The following HSPA12A variants were observed in gnomAD, a reference collection of about 807,000 sequenced individuals.
The protein encoded by HSPA12A is heat shock protein family A (Hsp70) member 12A.
HSPA12A carries 28 observed loss-of-function variants against 69.2 expected under a neutral mutation model. That is an observed-to-expected ratio of 0.40 (90% confidence interval 0.30 to 0.55). The LOEUF is 0.55. Ranked by LOEUF, HSPA12A falls within the 20% of genes least tolerant of loss-of-function variation. The probability of loss-of-function intolerance (pLI) is 0.38; values close to 1 mark genes in which losing one functional copy is unlikely to be tolerated. For synonymous variants in HSPA12A, 345 were observed against 370.5 expected (o/e 0.93, Z 0.79); for missense variants, 686 against 900.7 (o/e 0.76, Z 3.05).
At chr10:116,788,911 G>C (rs1844639215) in intron 2 of HSPA12A, among the ~76,000 whole-genome samples, 1 of 149,868 alleles carries the variant, frequency 6.7e-6, no homozygotes, top group African/African-American at 2.5e-5. Flanking sequence ...TGTCACCCAG[G>C]CTGGAGTGCA....
chr10:116,797,479 T>C lies in HSPA12A; in HGVS notation c.91+37456A>G, dbSNP rs187149050. The stretch of plus-strand genomic sequence containing the variant: ...GGCTGTTCGTGTGGATGTGTGTGCA[T>C]GTGTGTATATGCATATGTGTTTGAG... On this transcript the variant is annotated intron_variant, in intron 2 of 12. Coordinates refer to the HSPA12A transcript ENST00000635765. Among the ~76,000 whole-genome samples the C allele has an allele frequency of 1.6e-3, 240 of 152,308 alleles. 3 individuals carry two copies. The highest frequency in any genetic ancestry group is 5.4e-3 in the African/African-American group (223 of 41,570).
intron 2 of HSPA12A, among the ~76,000 whole-genome samples, chr10:116,809,342 C>A (rs899767493): frequency 1.3e-5 from 2 of 152,184 alleles, no homozygotes; most frequent in African/African-American, 4.8e-5. Flanking sequence ...CACCCTGAAC[C>A]CTCATGAAGG....
intron 2 of HSPA12A, among the ~76,000 whole-genome samples, chr10:116,774,430 T>C (rs1183699023): frequency 1.3e-5 from 2 of 152,226 alleles, no homozygotes; most frequent in Non-Finnish European, 2.9e-5. Context: ...TTAACAACTC[T>C]TGGGCACTTA....
At chr10:116,683,400 C>G (rs3010460) in intron 7 of HSPA12A, 59,103 of 156,930 alleles carry the variant, frequency 0.38, 12,183 homozygotes, top group African/African-American at 0.55. Context: ...CAATGAGTGA[C>G]TCAGCAATAA....
chr10:116,701,262 T>G, intron 3 of HSPA12A, 133 bp from the exon 4 acceptor site: 1 of 770,370 alleles, frequency 1.3e-6, no homozygotes, highest in Non-Finnish European at 2.1e-6. Context: ...TTCAGCTGGA[T>G]GAGCAGCTAC....
At chr10:116,717,333 C>T (rs952284012) in intron 1 of HSPA12A, among the ~76,000 whole-genome samples, 10 of 152,186 alleles carry the variant, frequency 6.6e-5, no homozygotes, top group South Asian at 2.1e-4. Context: ...ATTTCACAGA[C>T]GAGCAAATAG....
intron 2 of HSPA12A, among the ~76,000 whole-genome samples, chr10:116,822,913 C>T (rs932043091): frequency 1.3e-5 from 2 of 152,068 alleles, no homozygotes; most frequent in Non-Finnish European, 2.9e-5. Flanking sequence ...AGCTACTTGC[C>T]CAGGTACAGA....
intron 7 of HSPA12A, among the ~76,000 whole-genome samples, chr10:116,682,246 A>G (rs369746033): frequency 2.0e-5 from 3 of 152,222 alleles, no homozygotes; most frequent in Admixed American, 1.3e-4. Flanking sequence ...TGACAGAGCG[A>G]GACTCTCAAA....
At chr10:116,699,150 G>A (rs1252345214) in intron 4 of HSPA12A, among the ~76,000 whole-genome samples, 3 of 152,100 alleles carry the variant, frequency 2.0e-5, no homozygotes, top group Non-Finnish European at 4.4e-5. Context: ...AGGCCTAATC[G>A]TACCAACCCA....
chr10:116,806,048 T>G (rs1009412617), intron 2 of HSPA12A, among the ~76,000 whole-genome samples: 7 of 152,170 alleles, frequency 4.6e-5, no homozygotes, highest in Non-Finnish European at 7.4e-5. Flanking sequence ...AAGGCAGAGA[T>G]GAAAACCCAG....
intron 2 of HSPA12A, among the ~76,000 whole-genome samples, chr10:116,768,616 T>C (rs1400779462): frequency 6.6e-6 from 1 of 152,114 alleles, no homozygotes; most frequent in Non-Finnish European, 1.5e-5. Flanking sequence ...TGGGCTCAAG[T>C]GAACCTCCTG....
chr10:116,770,523 C>T (rs1162218854), intron 2 of HSPA12A, among the ~76,000 whole-genome samples: 1 of 152,140 alleles, frequency 6.6e-6, no homozygotes, highest in Admixed American at 6.5e-5. Context: ...TAGCTCAAAG[C>T]CAGGTGGCAC....
At chr10:116,770,072 C>A (rs1195096491) in intron 2 of HSPA12A, among the ~76,000 whole-genome samples, 2 of 152,174 alleles carry the variant, frequency 1.3e-5, no homozygotes, top group African/African-American at 4.8e-5. Flanking sequence ...GTCCTTGGGG[C>A]AGGGTGCTGA....
Position 116,673,385 on chromosome 10 carries a change from T to G in HSPA12A, c.*1396A>C, listed in dbSNP as rs1849139980. 2 of 152,258 alleles carry G rather than the reference T, an allele frequency of 1.3e-5. No individual in the cohort carries two copies. The highest frequency in any genetic ancestry group is 1.3e-4 in the Admixed American group (2 of 15,290). The allele number at this position is 152,258 out of a possible 1,614,324, so 9.4% of individuals were successfully genotyped here. Reference sequence around the variant, plus strand: ...TCCCATTGACCAAGAGGGCAAGGTATGGGGTCACCTTCTCATGGAAGCCCT... The same window carrying G: ...TCCCATTGACCAAGAGGGCAAGGTAGGGGGTCACCTTCTCATGGAAGCCCT... On this transcript the variant is annotated 3_prime_UTR_variant, in exon 12 of 12. Coordinates refer to ENST00000369209, the MANE Select transcript of HSPA12A (RefSeq NM_025015.3).
intron 2 of HSPA12A, among the ~76,000 whole-genome samples, chr10:116,813,056 T>G (rs1237417452): frequency 6.6e-6 from 1 of 151,972 alleles, no homozygotes; most frequent in Non-Finnish European, 1.5e-5. Context: ...GCCACGGTGA[T>G]GAGGATTAAA....
At chr10:116,731,049 C>T (rs782613196) in intron 1 of HSPA12A, among the ~76,000 whole-genome samples, 11 of 152,202 alleles carry the variant, frequency 7.2e-5, no homozygotes, top group Non-Finnish European at 1.3e-4. Context: ...CAGGGTCCTG[C>T]TGCATGGGCC....
At chr10:116,730,749 A>C (rs1190567782) in intron 1 of HSPA12A, among the ~76,000 whole-genome samples, 1 of 152,266 alleles carries the variant, frequency 6.6e-6, no homozygotes, top group Non-Finnish European at 1.5e-5. Flanking sequence ...CCAGAGGCTG[A>C]CGCCAAAGGA....
At chr10:116,794,388 G>A (rs1220850847) in intron 2 of HSPA12A, among the ~76,000 whole-genome samples, 2 of 152,084 alleles carry the variant, frequency 1.3e-5, no homozygotes, top group Non-Finnish European at 2.9e-5. Context: ...TACAAGGCAA[G>A]CAAGCAGAAT....
At chr10:116,707,362 C>T in intron 1 of HSPA12A, 77 bp from the exon 2 acceptor site, 1 of 1,128,998 alleles carries the variant, frequency 8.9e-7, no homozygotes, top group Middle Eastern at 2.7e-4. Flanking sequence ...GCTGCATGGC[C>T]TTAACTCCTC....
Sources: allele counts gnomAD v4.1 joint callset (sites outside exome capture counted in the v4.1 genomes callset), GRCh38; gene constraint gnomAD v4.1.1; transcripts MANE v1.5; gene names NCBI Gene and HGNC (gene_info 2026-07-23, HGNC 2026-07-21).